MCPH1: variants seen among roughly 807,000 people sequenced by gnomAD.
The protein encoded by MCPH1 is microcephalin.
Under a neutral mutation model 84.5 loss-of-function variants are expected in MCPH1, and 104 were observed. That is an observed-to-expected ratio of 1.23 (90% CI 1.05 to 1.45). The LOEUF (loss-of-function observed/expected upper bound fraction) is 1.45, where lower values mean the gene tolerates loss of function less well. Ranked by LOEUF, MCPH1 falls within the 40% of genes most tolerant of loss-of-function variation. The probability of loss-of-function intolerance (pLI) is 0.00; values close to 1 mark genes in which losing one functional copy is unlikely to be tolerated. For missense variants in MCPH1, 1,498 were observed against 1,005.7 expected, an observed-to-expected ratio of 1.49 and a Z score of -6.62; for synonymous variants, 514 against 366.8, an observed-to-expected ratio of 1.40 and a Z score of -4.58.
intron 4 of MCPH1, among the ~76,000 whole-genome samples, chr8:6,433,412 C>T (rs887146747): frequency 4.6e-5 from 7 of 152,050 alleles, no homozygotes; most frequent in African/African-American, 1.7e-4. Context: ...GCGGGCAAAT[C>T]AGTTGAGGCC....
At chr8:6,532,450 A>G in intron 12 of MCPH1, 3 of 1,613,538 alleles carry the variant, frequency 1.9e-6, no homozygotes, top group Non-Finnish European at 2.5e-6. Context: ...TATCTCTACC[A>G]TTTCTTTCTT....
chr8:6,580,500 C>T (rs1008788136), intron 12 of MCPH1, among the ~76,000 whole-genome samples: 26 of 152,064 alleles, frequency 1.7e-4, no homozygotes, highest in Admixed American at 7.9e-4. Context: ...ACTAAAAATA[C>T]AAAAATTAGC....
chr8:6,570,098 C>T (rs1355343055), intron 12 of MCPH1, among the ~76,000 whole-genome samples: 1 of 152,224 alleles, frequency 6.6e-6, no homozygotes, highest in African/African-American at 2.4e-5. Flanking sequence ...TCTACATACC[C>T]TTTCATTGTT....
intron 12 of MCPH1, among the ~76,000 whole-genome samples, chr8:6,545,828 T>G (rs1822482108): frequency 6.6e-6 from 1 of 152,278 alleles, no homozygotes; most frequent in East Asian, 1.9e-4. Flanking sequence ...AAATACAAGA[T>G]TACTCTGAGA....
At chr8:6,569,226 C>T (rs770350365) in intron 12 of MCPH1, among the ~76,000 whole-genome samples, 1 of 152,198 alleles carries the variant, frequency 6.6e-6, no homozygotes, top group Non-Finnish European at 1.5e-5. Context: ...TGGCACAACA[C>T]CTGCCCCTCT....
chr8:6,626,796 T>G (rs1832127593), intron 13 of MCPH1: 1 of 985,298 alleles, frequency 1.0e-6, no homozygotes, highest in African/African-American at 1.7e-5. Context: ...GTCTGCGACA[T>G]TTGTGCTGTG....
At chr8:6,604,887 A>G (rs1829640856) in intron 12 of MCPH1, among the ~76,000 whole-genome samples, 1 of 152,178 alleles carries the variant, frequency 6.6e-6, no homozygotes, top group Non-Finnish European at 1.5e-5. Context: ...AGCTGGGGGG[A>G]AATTGAGTCT....
intron 12 of MCPH1, among the ~76,000 whole-genome samples, chr8:6,563,976 C>CTTTTTTTT (rs11358428): frequency 1.2e-5 from 1 of 85,380 alleles, no homozygotes; most frequent in African/African-American, 3.9e-5. Flanking sequence ...GGAATACAAA[C>CTTTTTTTT]TTTTTTTTTT....
At chr8:6,480,231 C>T (rs1024509986) in intron 10 of MCPH1, among the ~76,000 whole-genome samples, 1 of 151,830 alleles carries the variant, frequency 6.6e-6, no homozygotes, top group African/African-American at 2.4e-5. Flanking sequence ...TCAAGCTATT[C>T]TGTCTGCCTC....
intron 12 of MCPH1, among the ~76,000 whole-genome samples, chr8:6,607,680 G>C (rs955727539): frequency 6.6e-6 from 1 of 152,222 alleles, no homozygotes; most frequent in African/African-American, 2.4e-5. Context: ...TCTCATGGTA[G>C]TGAATAAGTC....
At chr8:6,434,505 A>G (rs1307470023) in intron 4 of MCPH1, among the ~76,000 whole-genome samples, 2 of 152,328 alleles carry the variant, frequency 1.3e-5, no homozygotes, top group East Asian at 1.9e-4. Flanking sequence ...GCCTGTTGAA[A>G]TGAACCTCCC....
chr8:6,600,814 T>C (rs1385329477), intron 12 of MCPH1, among the ~76,000 whole-genome samples: 1 of 152,162 alleles, frequency 6.6e-6, no homozygotes, highest in Non-Finnish European at 1.5e-5. Flanking sequence ...AGGCCTTCAG[T>C]TCCTTTACAG....
At chr8:6,554,763 G>A (rs1218746719) in intron 12 of MCPH1, among the ~76,000 whole-genome samples, 1 of 152,166 alleles carries the variant, frequency 6.6e-6, no homozygotes, top group African/African-American at 2.4e-5. Context: ...GAGGGAGCGG[G>A]AGAGTCCACA....
At chr8:6,507,559 AAC>A (rs1328365548) in intron 12 of MCPH1, 1 of 150,052 alleles carries the variant, frequency 6.7e-6, no homozygotes, top group Non-Finnish European at 1.5e-5. Flanking sequence ...TCAGAAAAAT[AAC>A]ACTTTCTTTT....
At chr8:6,532,567 C>G (rs1230295940) in intron 12 of MCPH1, 2 of 871,082 alleles carry the variant, frequency 2.3e-6, no homozygotes, top group Non-Finnish European at 3.1e-6. Context: ...CGTCTCCTCC[C>G]TATCTTTAAA....
intron 12 of MCPH1, among the ~76,000 whole-genome samples, chr8:6,523,706 C>T (rs1277426757): frequency 1.3e-5 from 2 of 152,154 alleles, no homozygotes; most frequent in East Asian, 1.9e-4. Flanking sequence ...TCTCCTGCCT[C>T]AGCCTCCTGA....
At chr8:6,566,513 C>G (rs1826162676) in intron 12 of MCPH1, among the ~76,000 whole-genome samples, 1 of 152,030 alleles carries the variant, frequency 6.6e-6, no homozygotes, top group African/African-American at 2.4e-5. Context: ...AGAGTGCACA[C>G]AGTACAGTGA....
intron 12 of MCPH1, among the ~76,000 whole-genome samples, chr8:6,590,003 G>A (rs1411072325): frequency 1.3e-5 from 2 of 152,142 alleles, no homozygotes; most frequent in African/African-American, 2.4e-5. Flanking sequence ...TCCCCGAAAC[G>A]ATCTTGCTGT....
rs1805350950 is a variant in MCPH1 at position 6,453,705 on chromosome 8, T to G, written c.1826-1438T>G. 2.0e-5 allele frequency among the ~76,000 whole-genome samples: 3 copies of G among 152,172 alleles called. No individual in the cohort carries two copies. In the South Asian group the frequency reaches 6.2e-4, roughly 32 times the overall value. ...GTGCGTAGTAGATATAATTAATAAT[T>G]CTAATTATTTTTAATCTTAAAGACG... is the stretch of plus-strand genomic sequence containing the variant. On this transcript the variant is annotated intron_variant, in intron 8 of 13. Transcript: ENST00000344683.
Sources: gnomAD v4.1 joint callset for allele counts (sites outside exome capture counted in the v4.1 genomes callset) on GRCh38, gnomAD v4.1.1 for gene constraint, MANE v1.5 for transcripts, NCBI Gene and HGNC (gene_info 2026-07-23, HGNC 2026-07-21) for gene names.